The following PSG11 variants were observed in gnomAD, a reference collection of about 807,000 sequenced individuals.
PSG11 encodes pregnancy specific beta-1-glycoprotein 11, also known as pregnancy-specific beta-1-glycoprotein 11.
A neutral mutation model predicts 36.0 loss-of-function variants in PSG11; 42 were observed. The ratio of observed to expected loss-of-function variants is 1.17; its 90% confidence interval spans 0.91 to 1.51. The LOEUF (loss-of-function observed/expected upper bound fraction) is 1.51, where lower values mean the gene tolerates loss of function less well. Ranked by LOEUF, PSG11 falls within the 40% of genes most tolerant of loss-of-function variation. The pLI, the probability that PSG11 is intolerant of heterozygous loss-of-function variation, is 0.00. For missense variants in PSG11, 558 were observed against 403.5 expected (o/e 1.38, Z -3.28); for synonymous variants, 206 against 153.5 (o/e 1.34, Z -2.53).
chr19:43,016,002 G>T, intron 3 of PSG11: 2 of 1,610,240 alleles, frequency 1.2e-6, no homozygotes, highest in Non-Finnish European at 1.7e-6. Flanking sequence ...TATTCTCCCT[G>T]GGGTTTAAGT....
intron 2 of PSG11, among the ~76,000 whole-genome samples, chr19:43,023,122 T>A (rs536779768): frequency 1.3e-5 from 2 of 150,422 alleles, no homozygotes; most frequent in African/African-American, 4.9e-5. Flanking sequence ...GAGAACCCTC[T>A]GGTGGCCAAA....
chr19:43,008,685 G>T lies in PSG11; in HGVS notation c.*41-643C>A, dbSNP rs1244687071. Among the ~76,000 whole-genome samples the T allele has an allele frequency of 2.0e-5, 3 of 151,056 alleles. No homozygotes were observed. The Admixed American group carries it at 2.0e-4, about 10-fold the overall frequency. On this transcript the variant is annotated intron_variant, in intron 5 of 5. Transcript: ENST00000320078. ...TATATAATGTAATATATAAAATAAGGTGGCTTTTCCATTCAGCTTCTGTTT... is the reference window on the plus strand; with the variant it reads ...TATATAATGTAATATATAAAATAAGTTGGCTTTTCCATTCAGCTTCTGTTT...
chr19:43,013,814 T>C (rs985940772), intron 4 of PSG11, among the ~76,000 whole-genome samples: 1 of 151,402 alleles, frequency 6.6e-6, no homozygotes, highest in African/African-American at 2.4e-5. Context: ...CAAATATTTG[T>C]ACACTGATGT....
At chr19:43,010,348 T>C in intron 4 of PSG11, 4 of 1,526,932 alleles carry the variant, frequency 2.6e-6, no homozygotes, top group Non-Finnish European at 3.5e-6. Flanking sequence ...CTTTGCACCT[T>C]TTCATGGTTG....
intron 4 of PSG11, among the ~76,000 whole-genome samples, chr19:43,011,006 C>A (rs1358078826): frequency 1.3e-5 from 2 of 150,620 alleles, no homozygotes. Flanking sequence ...CACACAATAA[C>A]CCTGTGAGGT....
At chr19:43,011,171 G>A (rs942518024) in intron 4 of PSG11, among the ~76,000 whole-genome samples, 5 of 151,120 alleles carry the variant, frequency 3.3e-5, no homozygotes, top group African/African-American at 1.2e-4. Flanking sequence ...TATAGTAGCT[G>A]ACATTGGTTC....
chr19:43,026,081 A>C (rs932416847), intron 1 of PSG11, among the ~76,000 whole-genome samples: 4 of 149,604 alleles, frequency 2.7e-5, no homozygotes, highest in Non-Finnish European at 5.9e-5. Flanking sequence ...AGCTAGGATT[A>C]CAGGAGCACA....
In PSG11 at chr19:43,015,188, G is replaced by A. The variant is rs764563528; in HGVS notation, c.892C>T (p.Leu298Phe). The A allele has an allele frequency of 3.1e-6, 5 of 1,611,224 alleles. 1 individual carries two copies. The East Asian group carries it at 8.9e-5, about 29-fold the overall frequency. ...GAGTTACGAGCAGAGCAAGCATAGA[G>A]CCCATTATGCTTTGGAGTAATCTGA... ...IPQITPKHNG[L>F]YACSARNSAT... The change falls in exon 4 of 6, where the codon CTC becomes TTC. Residue 298 changes from leucine to phenylalanine, a missense_variant. Coordinates refer to ENST00000320078, the MANE Select transcript of PSG11 (RefSeq NM_002785.3).
Position 43,015,169 on chromosome 19 carries a change from C to T in PSG11, c.911G>A (p.Arg304His), listed in dbSNP as rs770296835. 3.3e-5 allele frequency: 53 copies of T among 1,611,678 alleles called. 1 individual carries two copies. The highest frequency in any genetic ancestry group is 3.3e-5 in the Admixed American group (2 of 59,852). Residue 304 changes from arginine to histidine, a missense_variant, in exon 4 of 6, where the codon CGT becomes CAT. By Grantham distance (29) the Arg-to-His change is conservative. Coordinates refer to ENST00000320078, the MANE Select transcript of PSG11 (RefSeq NM_002785.3). Reference protein sequence around the residue: ...KHNGLYACSARNSATGEESST... With the variant: ...KHNGLYACSAHNSATGEESST... ...GCTTTCCTCGCCAGTGGCTGAGTTA[C>T]GAGCAGAGCAAGCATAGAGCCCATT... is the stretch of plus-strand genomic sequence containing the variant.
chr19:43,019,169 G>T, intron 2 of PSG11, 121 bp from the exon 3 acceptor site: 1 of 1,518,674 alleles, frequency 6.6e-7, no homozygotes, highest in Non-Finnish European at 8.8e-7. Flanking sequence ...AAAGCCCATG[G>T]CAGGTGTGTG....
At chr19:43,014,466 A>T in intron 4 of PSG11, 5 of 969,256 alleles carry the variant, frequency 5.2e-6, no homozygotes, top group Non-Finnish European at 6.1e-6. Context: ...GTCTGCCCTG[A>T]GGTTGCTTCT....
At chr19:43,023,953 C>T (rs1456741890) in intron 2 of PSG11, among the ~76,000 whole-genome samples, 1 of 151,516 alleles carries the variant, frequency 6.6e-6, no homozygotes, top group Non-Finnish European at 1.5e-5. Flanking sequence ...TACGTCAGAT[C>T]CCTGTGGACA....
chr19:43,010,300 G>A, intron 4 of PSG11: 2 of 1,493,388 alleles, frequency 1.3e-6, no homozygotes, highest in Non-Finnish European at 1.8e-6. Context: ...ACGTGAGAAA[G>A]GCTGATTGCT....
Position 43,018,917 on chromosome 19 carries a change from G to A in PSG11, c.562C>T (p.Pro188Ser). ...GACAGCTGCATCCTATGAGTCATAG[G>A]GAGGCTCTGACCATTCATCCACCAC... ...YLWWMNGQSL[P>S]MTHRMQLSET... The change falls in exon 3 of 6, where the codon CCT (proline) becomes TCT (serine). Residue 188 changes from proline (P) to serine (S), a missense_variant. Pro to Ser is a moderately conservative substitution (Grantham distance 74). Coordinates refer to ENST00000320078, the MANE Select transcript of PSG11 (RefSeq NM_002785.3). The A allele has an allele frequency of 6.2e-7, 1 of 1,612,030 alleles. No individual in the cohort carries two copies. Among genetic ancestry groups the A allele is most frequent in the Non-Finnish European group, 8.5e-7 (1 of 1,179,112 alleles).
At chr19:43,008,941 C>T (rs1157814606) in intron 5 of PSG11, among the ~76,000 whole-genome samples, 1 of 151,110 alleles carries the variant, frequency 6.6e-6, no homozygotes, top group African/African-American at 2.4e-5. Flanking sequence ...GTCTCCAGAC[C>T]TTTAAACTGG....
Position 43,026,293 on chromosome 19 carries a change from G to A in PSG11, c.64+16C>T, listed in dbSNP as rs1198132272. 4 of 1,609,930 alleles carry A rather than the reference G, an allele frequency of 2.5e-6. No homozygotes were observed. Among genetic ancestry groups the A allele is most frequent in the Non-Finnish European group, 3.4e-6 (4 of 1,178,058 alleles). On this transcript the variant is annotated intron_variant, in intron 1 of 5. Coordinates refer to ENST00000320078, the MANE Select transcript of PSG11 (RefSeq NM_002785.3). ...GCTTCCTCCTCCTGTCCTCTCCCAG[G>A]AAGTTCTCTCCTCACCTGTGAGCAG...
rs201605238 is a variant in PSG11 at position 43,015,013 on chromosome 19, A to G, written c.964+103T>C. The G allele has an allele frequency of 5.3e-5, 85 of 1,599,948 alleles. 2 individuals are homozygous for G. The highest frequency in any genetic ancestry group is 6.6e-5 in the Non-Finnish European group (77 of 1,173,188). ...GAGAATTTGGGATTTGCCTGTGCCC[A>G]TGGGACACAGGCTGGGAATAAAAAT... On this transcript the variant is annotated intron_variant, in intron 4 of 5. Coordinates refer to ENST00000320078, the MANE Select transcript of PSG11 (RefSeq NM_002785.3).
At chr19:43,012,342 GA>G (rs1265238996) in intron 4 of PSG11, among the ~76,000 whole-genome samples, 4 of 151,414 alleles carry the variant, frequency 2.6e-5, no homozygotes, top group African/African-American at 9.7e-5. Flanking sequence ...AAATTGGAAG[GA>G]AGGAGTAAAA....
rs769636372 is a variant in PSG11 at position 43,015,164 on chromosome 19, A to C, written c.916T>G (p.Ser306Ala). 1.2e-6 allele frequency: 2 copies of C among 1,611,902 alleles called. No homozygotes were observed. Among genetic ancestry groups the C allele is most frequent in the South Asian group, 2.2e-5 (2 of 90,832 alleles). Reference sequence around the variant, plus strand: ...GTGGAGCTTTCCTCGCCAGTGGCTGAGTTACGAGCAGAGCAAGCATAGAGC... The same window carrying C: ...GTGGAGCTTTCCTCGCCAGTGGCTGCGTTACGAGCAGAGCAAGCATAGAGC... The part of the protein sequence containing the change: ...NGLYACSARN[S>A]ATGEESSTSL... Residue 306 changes from serine to alanine, a missense_variant, in exon 4 of 6, where the codon TCA (serine) becomes GCA (alanine). Coordinates refer to ENST00000320078, the MANE Select transcript of PSG11 (RefSeq NM_002785.3).
Sources: gnomAD v4.1 joint callset for allele counts (sites outside exome capture counted in the v4.1 genomes callset) on GRCh38, gnomAD v4.1.1 for gene constraint, MANE v1.5 for transcripts, NCBI Gene and HGNC (gene_info 2026-07-23, HGNC 2026-07-21) for gene names.